PUM1: variants seen among roughly 807,000 people sequenced by gnomAD.
The protein encoded by PUM1 is pumilio homolog 1.
In PUM1, 13 loss-of-function variants were observed where a neutral mutation model predicts 131.8. The observed-to-expected ratio is 0.10, with a 90% CI of 0.06 to 0.16. The LOEUF (loss-of-function observed/expected upper bound fraction) is 0.16. Ranked by LOEUF, PUM1 falls within the 10% of genes least tolerant of loss-of-function variation. PUM1 has a pLI of 1.00. For missense variants in PUM1, 961 were observed against 1,512.4 expected (o/e 0.64, Z 6.05); for synonymous variants, 509 against 556.5 (o/e 0.91, Z 1.20).
At chr1:30,988,638 C>G (rs973248391) in intron 7 of PUM1, among the ~76,000 whole-genome samples, 1 of 152,328 alleles carries the variant, frequency 6.6e-6, no homozygotes, top group South Asian at 2.1e-4. Flanking sequence ...ATCATCAGTA[C>G]TGTCTGAGAC....
chr1:30,940,089 T>G (rs1639382534), intron 20 of PUM1, among the ~76,000 whole-genome samples: 2 of 152,160 alleles, frequency 1.3e-5, no homozygotes, highest in African/African-American at 4.8e-5. Flanking sequence ...ATAACCCTGA[T>G]AGGGCTAGGC....
intron 21 of PUM1, chr1:30,935,632 C>T (rs1639175876): frequency 2.2e-6 from 1 of 451,044 alleles, no homozygotes; most frequent in Non-Finnish European, 4.5e-6. Flanking sequence ...CCACTGCCAA[C>T]ACCAGTGCAG....
At chr1:31,064,640 T>C (rs973378941) in intron 1 of PUM1, among the ~76,000 whole-genome samples, 1 of 151,530 alleles carries the variant, frequency 6.6e-6, no homozygotes, top group African/African-American at 2.4e-5. Flanking sequence ...TTGAGCAAAA[T>C]GGTATCGAGG....
intron 14 of PUM1, 79 bp from the exon 15 acceptor site, chr1:30,954,060 C>G: frequency 7.2e-7 from 1 of 1,396,086 alleles, no homozygotes; most frequent in Non-Finnish European, 9.8e-7. Context: ...TTCCCACACC[C>G]GAAAGCCTGC....
chr1:31,024,177 G>GATGAATGT (rs1230931735), intron 3 of PUM1, among the ~76,000 whole-genome samples: 1 of 152,142 alleles, frequency 6.6e-6, no homozygotes, highest in African/African-American at 2.4e-5. Flanking sequence ...GTGCAAAGAA[G>GATGAATGT]ATGAATGTTT....
At chr1:30,981,953 A>G (rs1641374261) in intron 7 of PUM1, 1 of 152,160 alleles carries the variant, frequency 6.6e-6, no homozygotes, top group African/African-American at 2.4e-5. Context: ...AAAAGTGTTC[A>G]CTTCATCCTC....
At chr1:30,991,990 C>A (rs529646880) in intron 7 of PUM1, among the ~76,000 whole-genome samples, 1 of 152,196 alleles carries the variant, frequency 6.6e-6, no homozygotes, top group Non-Finnish European at 1.5e-5. Flanking sequence ...GATGACCTGG[C>A]ACTACACTCC....
At chr1:31,045,860 T>A (rs878898785) in intron 2 of PUM1, among the ~76,000 whole-genome samples, 2 of 151,868 alleles carry the variant, frequency 1.3e-5, no homozygotes, top group Non-Finnish European at 1.5e-5. Context: ...AGCGGGTGGA[T>A]CACTTGAGGC....
At chr1:31,059,126 A>T in intron 2 of PUM1, 78 bp downstream of exon 2, 1 of 1,473,512 alleles carries the variant, frequency 6.8e-7, no homozygotes, top group Non-Finnish European at 9.1e-7. Flanking sequence ...TTTTAAAGAC[A>T]TTCATTGAAA....
intron 8 of PUM1, 42 bp downstream of exon 8, chr1:30,981,270 G>A (rs200227934): frequency 1.0e-5 from 13 of 1,282,208 alleles, no homozygotes; most frequent in East Asian, 1.0e-4. Flanking sequence ...CTAAAATGGC[G>A]GCCACACCTA....
chr1:31,056,371 C>T (rs1040446492), intron 2 of PUM1, among the ~76,000 whole-genome samples: 4 of 152,072 alleles, frequency 2.6e-5, no homozygotes, highest in African/African-American at 9.7e-5. Context: ...ACCTCCACCT[C>T]CCGGGTTCAA....
At chr1:30,991,906 T>C (rs978319573) in intron 7 of PUM1, among the ~76,000 whole-genome samples, 4 of 152,248 alleles carry the variant, frequency 2.6e-5, no homozygotes, top group African/African-American at 4.8e-5. Context: ...CGCATTCTAA[T>C]ACTTTTGAAA....
At chr1:30,933,975 G>C (rs1639088652) in intron 21 of PUM1, among the ~76,000 whole-genome samples, 1 of 152,182 alleles carries the variant, frequency 6.6e-6, no homozygotes, top group African/African-American at 2.4e-5. Context: ...GGCTAACAAA[G>C]GACAGCACAG....
At chr1:31,044,967 G>C (rs928020590) in intron 2 of PUM1, among the ~76,000 whole-genome samples, 3 of 151,978 alleles carry the variant, frequency 2.0e-5, no homozygotes, top group African/African-American at 7.3e-5. Flanking sequence ...GCGCCACCAC[G>C]CCCAGCTAGT....
At chr1:31,050,389 G>T (rs923244919) in intron 2 of PUM1, among the ~76,000 whole-genome samples, 7 of 152,070 alleles carry the variant, frequency 4.6e-5, no homozygotes, top group Admixed American at 2.0e-4. Context: ...GGAGGCTGAG[G>T]CACCAGATTG....
chr1:30,946,114 G>A (rs1639655458), intron 17 of PUM1, among the ~76,000 whole-genome samples: 1 of 151,826 alleles, frequency 6.6e-6, no homozygotes, highest in African/African-American at 2.4e-5. Flanking sequence ...AAAATAAAGG[G>A]TAGACATCTT....
At chr1:31,064,681 T>C (rs1476206743) in intron 1 of PUM1, among the ~76,000 whole-genome samples, 5 of 139,154 alleles carry the variant, frequency 3.6e-5, no homozygotes, top group Non-Finnish European at 1.5e-5. Context: ...AATTGAACAA[T>C]AAAAGGTAAC....
intron 14 of PUM1, among the ~76,000 whole-genome samples, chr1:30,957,466 G>A (rs1245145833): frequency 6.6e-6 from 1 of 152,152 alleles, no homozygotes; most frequent in Non-Finnish European, 1.5e-5. Context: ...GGGGGTTTGG[G>A]TGCAACACTC....
At chr1:30,969,187 C>A (rs1415659474) in intron 10 of PUM1, among the ~76,000 whole-genome samples, 1 of 151,578 alleles carries the variant, frequency 6.6e-6, no homozygotes, top group African/African-American at 2.4e-5. Context: ...GCCTATAATC[C>A]CAGCTACGAG....
Sources: gnomAD v4.1 joint callset for allele counts (sites outside exome capture counted in the v4.1 genomes callset) on GRCh38, gnomAD v4.1.1 for gene constraint, MANE v1.5 for transcripts, NCBI Gene and HGNC (gene_info 2026-07-23, HGNC 2026-07-21) for gene names.